FNBP1L: variants seen among roughly 807,000 people sequenced by gnomAD.
FNBP1L encodes formin binding protein 1 like.
Under a neutral mutation model 91.2 loss-of-function variants are expected in FNBP1L, and 36 were observed. The ratio of observed to expected loss-of-function variants is 0.39; its 90% CI spans 0.30 to 0.52. FNBP1L has a LOEUF of 0.52. Ranked by LOEUF, FNBP1L falls within the 20% of genes least tolerant of loss-of-function variation. The probability of loss-of-function intolerance (pLI) is 0.66; values close to 1 mark genes in which losing one functional copy is unlikely to be tolerated. For synonymous variants in FNBP1L, 242 were observed against 237.0 expected, an observed-to-expected ratio of 1.02 and a Z score of -0.19; for missense variants, 571 against 732.1, an observed-to-expected ratio of 0.78 and a Z score of 2.54.
At chr1:93,551,595 T>C (rs1185958296) in intron 16 of FNBP1L, 20 of 985,224 alleles carry the variant, frequency 2.0e-5, no homozygotes, top group Non-Finnish European at 2.4e-5. Flanking sequence ...AGAAGAAAAA[T>C]AGTAGTTGGA....
intron 2 of FNBP1L, among the ~76,000 whole-genome samples, chr1:93,511,466 G>A (rs1670839983): frequency 6.6e-6 from 1 of 152,112 alleles, no homozygotes; most frequent in Admixed American, 6.5e-5. Context: ...CAATAAACAT[G>A]GAAAGGAACA....
At chr1:93,456,443 T>C (rs1668663304) in intron 1 of FNBP1L, among the ~76,000 whole-genome samples, 1 of 151,998 alleles carries the variant, frequency 6.6e-6, no homozygotes, top group Non-Finnish European at 1.5e-5. Flanking sequence ...GATATCTGTT[T>C]TGTTTTTGCT....
intron 1 of FNBP1L, among the ~76,000 whole-genome samples, chr1:93,486,104 C>G (rs1046901515): frequency 1.3e-5 from 2 of 152,172 alleles, no homozygotes; most frequent in Non-Finnish European, 2.9e-5. Context: ...GTAAATGACA[C>G]TGTGTTAGAT....
chr1:93,515,681 C>T (rs1257040612), intron 2 of FNBP1L, among the ~76,000 whole-genome samples: 6 of 147,524 alleles, frequency 4.1e-5, no homozygotes, highest in East Asian at 4.0e-4. Context: ...AACCAAACAC[C>T]GCATATTCTC....
chr1:93,494,684 T>C (rs1044262088), intron 1 of FNBP1L, among the ~76,000 whole-genome samples: 4 of 152,192 alleles, frequency 2.6e-5, no homozygotes, highest in Admixed American at 6.5e-5. Flanking sequence ...CAAATGTATA[T>C]ATTTCTTATT....
intron 1 of FNBP1L, among the ~76,000 whole-genome samples, chr1:93,451,667 T>A (rs996674542): frequency 1.1e-4 from 16 of 152,170 alleles, no homozygotes; most frequent in African/African-American, 3.9e-4. Flanking sequence ...TTATTATTAT[T>A]TTTGAGATGG....
At chr1:93,528,348 G>T (rs1258936271) in intron 5 of FNBP1L, among the ~76,000 whole-genome samples, 1 of 152,142 alleles carries the variant, frequency 6.6e-6, no homozygotes, top group Non-Finnish European at 1.5e-5. Flanking sequence ...TATACAATGG[G>T]TCAGGAATCA....
chr1:93,515,680 C>T (rs1671073077), intron 2 of FNBP1L, among the ~76,000 whole-genome samples: 1 of 148,792 alleles, frequency 6.7e-6, no homozygotes, highest in Admixed American at 6.9e-5. Flanking sequence ...AAACCAAACA[C>T]CGCATATTCT....
chr1:93,528,655 G>A (rs951848143), intron 5 of FNBP1L, among the ~76,000 whole-genome samples: 2 of 152,108 alleles, frequency 1.3e-5, no homozygotes, highest in Non-Finnish European at 2.9e-5. Flanking sequence ...TGAATCCACA[G>A]GTTGATGGGG....
At chr1:93,499,612 A>T (rs1044680067) in intron 2 of FNBP1L, 29 bp downstream of exon 2, 1 of 1,320,430 alleles carries the variant, frequency 7.6e-7, no homozygotes, top group African/African-American at 1.5e-5. Flanking sequence ...CAGTTTTTAG[A>T]ATGAAATTAC....
intron 1 of FNBP1L, among the ~76,000 whole-genome samples, chr1:93,484,002 C>T (rs974913719): frequency 6.6e-6 from 1 of 152,222 alleles, no homozygotes; most frequent in African/African-American, 2.4e-5. Context: ...GATCTTGGCT[C>T]ACCACAACTT....
chr1:93,481,789 A>T (rs1015903178), intron 1 of FNBP1L, among the ~76,000 whole-genome samples: 3 of 152,316 alleles, frequency 2.0e-5, no homozygotes, highest in African/African-American at 7.2e-5. Flanking sequence ...TAGATGAGAA[A>T]TTTTTTAAAA....
intron 2 of FNBP1L, among the ~76,000 whole-genome samples, chr1:93,517,953 G>T: frequency 6.6e-6 from 1 of 152,180 alleles, no homozygotes; most frequent in East Asian, 1.9e-4. Flanking sequence ...ATATCTGCTT[G>T]CAGTTGTTGT....
In FNBP1L at chr1:93,534,788, A is replaced by G; in HGVS notation, c.870A>G (p.Ile290Met). ...CATTTGAAGATTACAGTCAACATAT[A>G]TATAGAACCATTTCTGATGGGACTA... ...DFPFEDYSQH[I>M]YRTISDGTIS... The change falls in exon 9 of 17, where the codon ATA (isoleucine) becomes ATG (methionine). Residue 290 changes from isoleucine to methionine, a missense_variant. Coordinates refer to ENST00000271234, the MANE Select transcript of FNBP1L (RefSeq NM_001164473.3). The G allele has an allele frequency of 6.4e-7, 1 of 1,570,562 alleles. No individual in the cohort carries two copies. The highest frequency in any genetic ancestry group is 8.7e-7 in the Non-Finnish European group (1 of 1,156,010).
chr1:93,491,158 C>T (rs1330257760), intron 1 of FNBP1L, among the ~76,000 whole-genome samples: 2 of 152,026 alleles, frequency 1.3e-5, no homozygotes, highest in African/African-American at 2.4e-5. Flanking sequence ...GTTACCCAGG[C>T]TGGTCATGAA....
intron 1 of FNBP1L, among the ~76,000 whole-genome samples, chr1:93,470,794 A>C: frequency 6.6e-6 from 1 of 150,668 alleles, no homozygotes; most frequent in East Asian, 2.0e-4. Flanking sequence ...AATGGCGTGA[A>C]CCCGGGAGGC....
chr1:93,540,625 A>G (rs1490035803), intron 10 of FNBP1L, among the ~76,000 whole-genome samples: 3 of 152,064 alleles, frequency 2.0e-5, no homozygotes, highest in African/African-American at 4.8e-5. Flanking sequence ...AGAACATTCT[A>G]TTTTTTAATA....
chr1:93,544,454 T>G (rs1203943977), intron 12 of FNBP1L, among the ~76,000 whole-genome samples: 1 of 152,120 alleles, frequency 6.6e-6, no homozygotes, highest in African/African-American at 2.4e-5. Flanking sequence ...TGCAAAAAAT[T>G]TCTTGATATT....
intron 2 of FNBP1L, among the ~76,000 whole-genome samples, chr1:93,511,995 A>G (rs543606810): frequency 6.6e-6 from 1 of 150,920 alleles, no homozygotes; most frequent in East Asian, 1.9e-4. Context: ...AAAAGAGTCA[A>G]GACCCATCAG....
Sources: allele counts gnomAD v4.1 joint callset (sites outside exome capture counted in the v4.1 genomes callset), GRCh38; gene constraint gnomAD v4.1.1; transcripts MANE v1.5; gene names NCBI Gene and HGNC (gene_info 2026-07-23, HGNC 2026-07-21).